ADAMTSL1: variants seen among roughly 807,000 people sequenced by gnomAD.
The protein encoded by ADAMTSL1 is ADAMTS like 1, also known as ADAMTS-like protein 1.
Under a neutral mutation model 201.8 loss-of-function variants are expected in ADAMTSL1, and 126 were observed. The observed-to-expected ratio is 0.62, with a 90% CI of 0.54 to 0.72. ADAMTSL1 has a LOEUF of 0.72. Ranked by LOEUF, ADAMTSL1 falls within the 30% of genes least tolerant of loss-of-function variation. The pLI, the probability that ADAMTSL1 is intolerant of heterozygous loss-of-function variation, is 0.00. For missense variants in ADAMTSL1, 2,679 were observed against 2,277.8 expected, an observed-to-expected ratio of 1.18 and a Z score of -3.59; for synonymous variants, 1,121 against 903.4, an observed-to-expected ratio of 1.24 and a Z score of -4.32.
At chr9:18,822,322 A>G (rs1824260531) in intron 21 of ADAMTSL1, among the ~76,000 whole-genome samples, 1 of 152,170 alleles carries the variant, frequency 6.6e-6, no homozygotes, top group African/African-American at 2.4e-5. Context: ...GCCAGAACAC[A>G]TGGATTCTGG....
intron 2 of ADAMTSL1, among the ~76,000 whole-genome samples, chr9:18,323,236 T>G (rs946261038): frequency 6.6e-6 from 1 of 152,144 alleles, no homozygotes; most frequent in Non-Finnish European, 1.5e-5. Context: ...GCTTGACATT[T>G]GAAAATCAAT....
chr9:17,942,750 G>T (rs1336902662), intron 1 of ADAMTSL1, among the ~76,000 whole-genome samples: 1 of 152,112 alleles, frequency 6.6e-6, no homozygotes, highest in African/African-American at 2.4e-5. Context: ...CCACTCCAAG[G>T]TCTATTACCT....
intron 19 of ADAMTSL1, among the ~76,000 whole-genome samples, chr9:18,792,811 AT>A (rs1313624559): frequency 6.6e-6 from 1 of 152,250 alleles, no homozygotes; most frequent in Non-Finnish European, 1.5e-5. Flanking sequence ...CAGTCATACT[AT>A]GATCTAAAAT....
intron 1 of ADAMTSL1, among the ~76,000 whole-genome samples, chr9:18,503,507 T>C (rs1822957397): frequency 6.6e-6 from 1 of 151,152 alleles, no homozygotes; most frequent in African/African-American, 2.4e-5. Flanking sequence ...ATGTGCTTTT[T>C]ATGTATCAAC....
At chr9:18,716,018 A>T (rs2133386812) in intron 14 of ADAMTSL1, among the ~76,000 whole-genome samples, 1 of 150,760 alleles carries the variant, frequency 6.6e-6, no homozygotes, top group African/African-American at 2.4e-5. Flanking sequence ...TGGTGCTGGG[A>T]AAACTGGCTA....
At chr9:18,262,877 G>A (rs184834693) in intron 2 of ADAMTSL1, among the ~76,000 whole-genome samples, 13 of 152,312 alleles carry the variant, frequency 8.5e-5, no homozygotes, top group Admixed American at 3.3e-4. Context: ...CACACTGAAA[G>A]AACACATCAT....
chr9:18,017,789 C>T (rs755402007), intron 1 of ADAMTSL1, among the ~76,000 whole-genome samples: 11 of 151,900 alleles, frequency 7.2e-5, no homozygotes, highest in East Asian at 1.9e-4. Context: ...CTTTCCCTGC[C>T]GCCATTAAAA....
In ADAMTSL1 at chr9:18,258,893, G is replaced by A. The variant is rs1392858158; in HGVS notation, c.207+94912G>A. Among the ~76,000 whole-genome samples, 3 of 152,180 alleles carry A rather than the reference G, an allele frequency of 2.0e-5. No homozygotes were observed. In the East Asian group the frequency reaches 5.8e-4, roughly 29 times the overall value. On this transcript the variant is annotated intron_variant, in intron 2 of 29. Coordinates refer to the ADAMTSL1 transcript ENST00000680146. ...TCTCTCCTGATTATTGAATGAAATT[G>A]CTTCTGCGTAGGTCAGCAATGACCT...
chr9:18,546,161 G>C lies in ADAMTSL1; in HGVS notation c.237+12869G>C, dbSNP rs373429842. Among the ~76,000 whole-genome samples, 19 of 152,240 alleles carry C rather than the reference G, an allele frequency of 1.2e-4. No homozygotes were observed. In the East Asian group the frequency reaches 3.7e-3, roughly 29 times the overall value. On this transcript the variant is annotated intron_variant, in intron 3 of 28. Transcript: ENST00000380548. ...TGAAACTTAAAGAGGTTATCTTTGA[G>C]GTTTGGCTATATTTTTCTTTATAAT...
At chr9:18,273,297 T>G (rs1392493853) in intron 2 of ADAMTSL1, among the ~76,000 whole-genome samples, 1 of 152,040 alleles carries the variant, frequency 6.6e-6, no homozygotes, top group Non-Finnish European at 1.5e-5. Flanking sequence ...GCCAGTTTAG[T>G]CTCAAACTCC....
chr9:18,076,667 A>G (rs1416596343), intron 1 of ADAMTSL1, among the ~76,000 whole-genome samples: 1 of 152,200 alleles, frequency 6.6e-6, no homozygotes, highest in Non-Finnish European at 1.5e-5. Context: ...CAAGCAGCTA[A>G]TGTTGGCCAG....
At chr9:17,991,232 C>T (rs1819137726) in intron 1 of ADAMTSL1, among the ~76,000 whole-genome samples, 1 of 152,124 alleles carries the variant, frequency 6.6e-6, no homozygotes, top group African/African-American at 2.4e-5. Context: ...AGTGTCTTCC[C>T]AGCTCTATCT....
chr9:18,903,894 C>T (rs910101105), intron 26 of ADAMTSL1, among the ~76,000 whole-genome samples: 5 of 151,836 alleles, frequency 3.3e-5, no homozygotes, highest in African/African-American at 1.2e-4. Context: ...CAGTTCAAAC[C>T]CATGTTGTTC....
intron 1 of ADAMTSL1, among the ~76,000 whole-genome samples, chr9:18,481,326 C>T (rs551361152): frequency 6.6e-6 from 1 of 152,152 alleles, no homozygotes; most frequent in Non-Finnish European, 1.5e-5. Flanking sequence ...GGGTGGATCA[C>T]CTGAGGTCAG....
chr9:17,950,644 A>G (rs1442899364), intron 1 of ADAMTSL1, among the ~76,000 whole-genome samples: 2 of 152,024 alleles, frequency 1.3e-5, no homozygotes, highest in Non-Finnish European at 2.9e-5. Context: ...ATGAATTTTA[A>G]TGGTTGTATA....
chr9:18,460,804 C>A (rs1222729536), intron 2 of ADAMTSL1, among the ~76,000 whole-genome samples: 1 of 152,152 alleles, frequency 6.6e-6, no homozygotes, highest in African/African-American at 2.4e-5. Flanking sequence ...GCAACACATA[C>A]AATGAATGAC....
intron 2 of ADAMTSL1, among the ~76,000 whole-genome samples, chr9:18,198,610 C>A (rs1163272513): frequency 7.2e-6 from 1 of 138,328 alleles, no homozygotes; most frequent in African/African-American, 2.7e-5. Flanking sequence ...CAGGAAACAA[C>A]AGGTGCTGGA....
chr9:18,468,282 C>A (rs1026724009), intron 2 of ADAMTSL1, among the ~76,000 whole-genome samples: 2 of 152,030 alleles, frequency 1.3e-5, no homozygotes, highest in African/African-American at 4.8e-5. Context: ...GTCTATCCTC[C>A]CGGTTCAGTT....
chr9:18,794,958 T>C (rs1822308484), intron 19 of ADAMTSL1, among the ~76,000 whole-genome samples: 1 of 152,194 alleles, frequency 6.6e-6, no homozygotes, highest in Admixed American at 6.5e-5. Flanking sequence ...TCTGTCTTGA[T>C]CTCTGGAAGC....
Sources: gnomAD v4.1 joint callset for allele counts (sites outside exome capture counted in the v4.1 genomes callset) on GRCh38, gnomAD v4.1.1 for gene constraint, MANE v1.5 for transcripts, NCBI Gene and HGNC (gene_info 2026-07-23, HGNC 2026-07-21) for gene names.